CDH20: variants seen among roughly 807,000 people sequenced by gnomAD.
CDH20 encodes cadherin-20.
CDH20 carries 29 observed loss-of-function variants against 74.2 expected under a neutral mutation model. The ratio of observed to expected loss-of-function variants is 0.39; its 90% confidence interval spans 0.29 to 0.53. The LOEUF (loss-of-function observed/expected upper bound fraction) is 0.53, where lower values mean the gene tolerates loss of function less well. CDH20 is among the 20% of genes least tolerant of loss of function. The probability of loss-of-function intolerance (pLI) is 0.69; values close to 1 mark genes in which losing one functional copy is unlikely to be tolerated. For missense variants in CDH20, 988 were observed against 1,048.3 expected (o/e 0.94, Z 0.79); for synonymous variants, 469 against 405.4 (o/e 1.16, Z -1.88).
chr18:61,369,758 T>G (rs1291180478), intron 1 of CDH20, among the ~76,000 whole-genome samples: 1 of 152,238 alleles, frequency 6.6e-6, no homozygotes, highest in East Asian at 1.9e-4. Flanking sequence ...CATTGTCCTT[T>G]GTAGGAACAT....
rs181180686 is a variant in CDH20, at chr18:61,370,760, C to T, written c.-153+36933C>T. On this transcript the variant is annotated intron_variant, in intron 1 of 11. Transcript: ENST00000262717. ...ATTTATTCATTTTGCATAACTGAGA[C>T]TTGGTGAAAGAGTACAAAGTCTCAG... is the stretch of plus-strand genomic sequence containing the variant. 1.4e-3 allele frequency among the ~76,000 whole-genome samples: 207 copies of T among 152,170 alleles called. 1 individual carries two copies. Among genetic ancestry groups the T allele is most frequent in the Middle Eastern group, 0.01 (3 of 294 alleles).
At chr18:61,545,708 A>G (rs1375674172) in intron 10 of CDH20, among the ~76,000 whole-genome samples, 1 of 152,250 alleles carries the variant, frequency 6.6e-6, no homozygotes, top group Non-Finnish European at 1.5e-5. Flanking sequence ...AGCAGGAAAC[A>G]GTAAAAAGCT....
intron 11 of CDH20, among the ~76,000 whole-genome samples, chr18:61,551,510 A>T (rs1484997491): frequency 6.6e-6 from 1 of 152,236 alleles, no homozygotes; most frequent in African/African-American, 2.4e-5. Flanking sequence ...GCTTCTCAAA[A>T]TACATTTAAA....
intron 1 of CDH20, among the ~76,000 whole-genome samples, chr18:61,458,213 T>C (rs1329107049): frequency 2.0e-5 from 3 of 152,196 alleles, no homozygotes; most frequent in East Asian, 1.9e-4. Flanking sequence ...CTGTAAGTGA[T>C]AATATTGAAA....
chr18:61,459,631 C>A (rs1909698218), intron 1 of CDH20, among the ~76,000 whole-genome samples: 1 of 152,146 alleles, frequency 6.6e-6, no homozygotes, highest in South Asian at 2.1e-4. Flanking sequence ...CACCTAGGAG[C>A]TTTTCAGAAA....
chr18:61,554,162 AAC>A, intron 11 of CDH20, 26 bp from the exon 12 acceptor site: 3 of 1,591,488 alleles, frequency 1.9e-6, no homozygotes, highest in Non-Finnish European at 2.6e-6. Context: ...CTCCTCGGTA[AAC>A]ACACTCTCCT....
At chr18:61,399,537 C>T (rs781207194) in intron 1 of CDH20, among the ~76,000 whole-genome samples, 1 of 152,166 alleles carries the variant, frequency 6.6e-6, no homozygotes, top group Non-Finnish European at 1.5e-5. Context: ...ATCAAAAATA[C>T]ATCACCCTAT....
intron 1 of CDH20, among the ~76,000 whole-genome samples, chr18:61,340,601 A>G (rs927508811): frequency 6.6e-6 from 1 of 152,210 alleles, no homozygotes; most frequent in Non-Finnish European, 1.5e-5. Flanking sequence ...TATTATACAT[A>G]TATTTATACA....
intron 10 of CDH20, among the ~76,000 whole-genome samples, chr18:61,546,053 T>C (rs989964336): frequency 2.0e-5 from 3 of 152,120 alleles, no homozygotes; most frequent in Admixed American, 6.5e-5. Context: ...ATGGAAAAAA[T>C]AAGTTAAACT....
intron 1 of CDH20, among the ~76,000 whole-genome samples, chr18:61,393,415 C>A (rs1911858698): frequency 6.6e-6 from 1 of 152,196 alleles, no homozygotes. Context: ...AGTGAAGAAT[C>A]CAGGCCTTTG....
intron 5 of CDH20, among the ~76,000 whole-genome samples, chr18:61,503,765 C>G (rs1911468657): frequency 6.6e-6 from 1 of 152,184 alleles, no homozygotes; most frequent in South Asian, 2.1e-4. Context: ...TTTGCTGCCA[C>G]TTGAACAGTG....
At chr18:61,351,046 T>C (rs1910288896) in intron 1 of CDH20, among the ~76,000 whole-genome samples, 1 of 152,198 alleles carries the variant, frequency 6.6e-6, no homozygotes, top group Admixed American at 6.5e-5. Context: ...TCTTGGTGCC[T>C]AAGTGAATTC....
intron 4 of CDH20, among the ~76,000 whole-genome samples, chr18:61,501,624 A>AT (rs531042516): frequency 5.3e-5 from 8 of 152,176 alleles, no homozygotes; most frequent in Non-Finnish European, 1.0e-4. Context: ...ACCTGATCGA[A>AT]TTTTTTTCCC....
intron 1 of CDH20, among the ~76,000 whole-genome samples, chr18:61,465,748 T>G (rs1909938887): frequency 6.6e-6 from 1 of 151,834 alleles, no homozygotes; most frequent in South Asian, 2.1e-4. Context: ...GAAAGGAATA[T>G]TTATGCATTT....
rs374997765 is a variant in CDH20 at position 61,503,687 on chromosome 18, C to G, written c.829+567C>G. ...GGAGGCTTGGAATCCTGTCTCTGCC[C>G]TTGTGAAGCTTCAAATCCACTTGGG... is the stretch of plus-strand genomic sequence containing the variant. On this transcript the variant is annotated intron_variant, in intron 5 of 11. Transcript: ENST00000262717. Among the ~76,000 whole-genome samples, 81 of 152,310 alleles carry G rather than the reference C, an allele frequency of 5.3e-4. 1 individual carries two copies. The South Asian group carries it at 0.016, about 30-fold the overall frequency.
intron 1 of CDH20, among the ~76,000 whole-genome samples, chr18:61,361,397 G>T (rs4941011): frequency 0.16 from 24,950 of 152,208 alleles, 2,447 homozygotes; most frequent in East Asian, 0.45. Context: ...CAATTTGCTA[G>T]ATTTTGTTTA....
At chr18:61,342,212 T>C (rs1909974902) in intron 1 of CDH20, among the ~76,000 whole-genome samples, 2 of 152,180 alleles carry the variant, frequency 1.3e-5, no homozygotes, top group Admixed American at 6.5e-5. Context: ...TGTCAAAACA[T>C]GTAGTATTCA....
intron 11 of CDH20, among the ~76,000 whole-genome samples, chr18:61,553,496 GC>G (rs2144417295): frequency 6.6e-6 from 1 of 152,218 alleles, no homozygotes; most frequent in East Asian, 1.9e-4. Context: ...TATATAAAAG[GC>G]CACTGCTCAT....
chr18:61,376,632 C>T (rs959455295), intron 1 of CDH20, among the ~76,000 whole-genome samples: 1 of 151,996 alleles, frequency 6.6e-6, no homozygotes, highest in Non-Finnish European at 1.5e-5. Context: ...TAAAAATAAA[C>T]ATATTAAAAA....
Sources: gnomAD v4.1 joint callset for allele counts (sites outside exome capture counted in the v4.1 genomes callset) on GRCh38, gnomAD v4.1.1 for gene constraint, MANE v1.5 for transcripts, NCBI Gene and HGNC (gene_info 2026-07-23, HGNC 2026-07-21) for gene names.